DRICH1: variants seen among roughly 807,000 people sequenced by gnomAD.
DRICH1 encodes the protein aspartate-rich protein 1.
A neutral mutation model predicts 39.5 loss-of-function variants in DRICH1; 38 were observed. That is an observed-to-expected ratio of 0.96 (90% CI 0.74 to 1.26). DRICH1 has a LOEUF of 1.26. Among genes scored for constraint, DRICH1 ranks in the 50% most tolerant of loss-of-function variants. DRICH1 has a pLI of 0.00. For synonymous variants in DRICH1, 84 were observed against 99.5 expected (o/e 0.84, Z 0.93); for missense variants, 279 against 270.4 (o/e 1.03, Z -0.22).
the DRICH1 span, among the ~76,000 whole-genome samples, chr22:23,599,693 C>T: frequency 6.6e-6 from 1 of 152,194 alleles, no homozygotes; most frequent in Non-Finnish European, 1.5e-5. Context: ...CATGCCCTTC[C>T]TCCCTCTGCC....
chr22:23,616,763 T>A (rs1927372929), intron 8 of DRICH1, 90 bp downstream of exon 8: 1 of 1,532,168 alleles, frequency 6.5e-7, no homozygotes, highest in African/African-American at 1.4e-5. Context: ...ACACCCCCAA[T>A]ATTTTTTAAC....
downstream of DRICH1, chr22:23,608,386 T>G: frequency 3.8e-6 from 1 of 261,770 alleles, no homozygotes; most frequent in Non-Finnish European, 7.4e-6. Context: ...TCGCCATCGA[T>G]GTCATTGAGT....
chr22:23,614,085 G>T, intron 9 of DRICH1, 50 bp downstream of exon 9: 1 of 1,193,220 alleles, frequency 8.4e-7, no homozygotes, highest in South Asian at 1.2e-5. Flanking sequence ...AGAAATAAAG[G>T]AATCAGGAAA....
At chr22:23,613,877 G>A (rs1927190500) in intron 9 of DRICH1, among the ~76,000 whole-genome samples, 1 of 152,186 alleles carries the variant, frequency 6.6e-6, no homozygotes, top group African/African-American at 2.4e-5. Context: ...AATGCACAAT[G>A]CTTAATTCAA....
downstream of DRICH1, among the ~76,000 whole-genome samples, chr22:23,603,925 G>A (rs1007589709): frequency 5.9e-5 from 9 of 152,076 alleles, no homozygotes; most frequent in African/African-American, 1.9e-4. Context: ...CACTTCCCTT[G>A]GGCATTTTGT....
At chr22:23,623,864 A>G (rs2123788847) in intron 3 of DRICH1, 2 of 819,130 alleles carry the variant, frequency 2.4e-6, no homozygotes, top group Non-Finnish European at 1.5e-6. Flanking sequence ...CTGATCTTCA[A>G]TGAAGGTACC....
Position 23,632,118 on chromosome 22 carries a change from C to A in DRICH1, c.-95G>T. 6.5e-7 allele frequency: 1 copy of A among 1,548,552 alleles called. No homozygotes were observed. Among genetic ancestry groups the A allele is most frequent in the Non-Finnish European group, 8.7e-7 (1 of 1,145,646 alleles). ...CCACACTACTGAGGGTGGCCCTGCA[C>A]TTTTAGAAGCAGCCTGACCCCAGGC... On this transcript the variant is annotated 5_prime_UTR_variant, in exon 1 of 12. Transcript: ENST00000317749.
In DRICH1 at chr22:23,631,974, CT is replaced by C. The variant is rs768148836; in HGVS notation, c.49del (p.Arg17GlyfsTer28). ...TTCATAACAGGGTGCGTCCTTCCCC[CT>C]GGGCCAGCCACAGTGGGAGTTGATA... ...CCINSHCGWP[R>X]GKDAPCYESD... On this transcript the variant is annotated frameshift_variant, in exon 1 of 12. Transcript: ENST00000317749. LOFTEE classifies it high-confidence loss of function. 1.1e-5 allele frequency: 18 copies of C among 1,613,620 alleles called. No individual in the cohort carries two copies. In the African/African-American group the frequency reaches 2.1e-4, roughly 19 times the overall value.
chr22:23,624,986 G>A, intron 2 of DRICH1, 82 bp from the exon 3 acceptor site: 1 of 1,504,144 alleles, frequency 6.6e-7, no homozygotes, highest in South Asian at 1.2e-5. Context: ...TTCTCTTGAT[G>A]ACTTCAGAAA....
At chr22:23,622,281 A>G in intron 3 of DRICH1, 105 bp from the exon 4 acceptor site, 1 of 1,002,748 alleles carries the variant, frequency 1.0e-6, no homozygotes, top group Non-Finnish European at 1.6e-6. Context: ...ATTAACAAGC[A>G]TGGACTGAGT....
intron 6 of DRICH1, among the ~76,000 whole-genome samples, chr22:23,617,943 C>T (rs1279656032): frequency 1.3e-5 from 2 of 152,150 alleles, no homozygotes; most frequent in Non-Finnish European, 2.9e-5. Flanking sequence ...TGTTTTGAAA[C>T]TCTTCTAAAC....
chr22:23,620,760 T>C (rs1167087449), intron 4 of DRICH1, 145 bp from the exon 5 acceptor site: 4 of 894,816 alleles, frequency 4.5e-6, no homozygotes, highest in East Asian at 2.4e-5. Flanking sequence ...CATTCTAGCA[T>C]AGAGAACACC....
chr22:23,620,154 G>A (rs540803803), intron 5 of DRICH1, among the ~76,000 whole-genome samples: 11 of 152,118 alleles, frequency 7.2e-5, no homozygotes, highest in African/African-American at 2.4e-4. Context: ...AAAAGAACTC[G>A]GCTTATATTT....
At chr22:23,631,162 G>A (rs945535604) in intron 1 of DRICH1, among the ~76,000 whole-genome samples, 9 of 152,268 alleles carry the variant, frequency 5.9e-5, no homozygotes, top group African/African-American at 9.6e-5. Flanking sequence ...CCTCATGCCT[G>A]TAATCACAGC....
At chr22:23,606,520 T>C (rs1926741372), downstream of DRICH1, among the ~76,000 whole-genome samples, 1 of 152,158 alleles carries the variant, frequency 6.6e-6, no homozygotes, top group Admixed American at 6.5e-5. Flanking sequence ...TGGCCTCCAC[T>C]CTAGGTCTTC....
At chr22:23,629,463 G>A (rs1174819036) in intron 1 of DRICH1, among the ~76,000 whole-genome samples, 1 of 151,824 alleles carries the variant, frequency 6.6e-6, no homozygotes, top group Non-Finnish European at 1.5e-5. Flanking sequence ...AGTACATGGG[G>A]ATCAGTACAT....
At chr22:23,625,958 A>G (rs1230632159) in intron 2 of DRICH1, 23 bp downstream of exon 2, 1 of 1,595,792 alleles carries the variant, frequency 6.3e-7, no homozygotes, top group Non-Finnish European at 8.6e-7. Context: ...ATTTCCTTAG[A>G]AGGCAAAGAA....
At chr22:23,588,367 C>A in the DRICH1 span, among the ~76,000 whole-genome samples, 1 of 152,192 alleles carries the variant, frequency 6.6e-6, no homozygotes, top group African/African-American at 2.4e-5. Flanking sequence ...CTCAGGTGAT[C>A]CACCTGCCTC....
At chr22:23,620,705 A>AAAACTAGTTGTG (rs1344692638) in intron 4 of DRICH1, 90 bp from the exon 5 acceptor site, 2 of 1,461,940 alleles carry the variant, frequency 1.4e-6, no homozygotes, top group Non-Finnish European at 1.9e-6. Context: ...ATGACTTCAG[A>AAAACTAGTTGTG]AAACTAGTTG....
Sources: gnomAD v4.1 joint callset for allele counts (sites outside exome capture counted in the v4.1 genomes callset) on GRCh38, gnomAD v4.1.1 for gene constraint, MANE v1.5 for transcripts, NCBI Gene and HGNC (gene_info 2026-07-23, HGNC 2026-07-21) for gene names.